The following STAG1 variants were observed in gnomAD, a reference collection of about 807,000 sequenced individuals.
STAG1 encodes the protein STAG1 cohesin complex component.
STAG1 carries 26 observed loss-of-function variants against 170.9 expected under a neutral mutation model. That is an observed-to-expected ratio of 0.15 (90% CI 0.11 to 0.21). STAG1 has a LOEUF of 0.21. STAG1 is among the 10% of genes least tolerant of loss of function. The pLI is 1.00. For missense variants in STAG1, 964 were observed against 1,509.5 expected, an observed-to-expected ratio of 0.64 and a Z score of 5.99; for synonymous variants, 514 against 497.7, an observed-to-expected ratio of 1.03 and a Z score of -0.44.
chr3:136,633,859 C>T (rs1940435944), intron 1 of STAG1, among the ~76,000 whole-genome samples: 2 of 147,752 alleles, frequency 1.4e-5, no homozygotes, highest in African/African-American at 4.9e-5. Context: ...CACAGTAGCC[C>T]ACGCTTATAA....
In STAG1 at chr3:136,452,068, T is replaced by A. The variant is rs1471328844; in HGVS notation, c.1393A>T (p.Ile465Phe). Residue 465 changes from isoleucine (I) to phenylalanine (F), a missense_variant, in exon 14 of 34, where the codon ATT becomes TTT. Physicochemically the swap from Ile to Phe is conservative, Grantham distance 21. Coordinates refer to ENST00000383202, the MANE Select transcript of STAG1 (RefSeq NM_005862.3). ...AGAAAGAAAAGAACCAGCATCCTAA[T>A]GAGGTTTCCATTCGGGCTGTTTCTT... ...RGRNSPNGNLIRMLVLFFLES... is the reference protein window; with the variant it reads ...RGRNSPNGNLFRMLVLFFLES... 1.9e-6 allele frequency: 3 copies of A among 1,611,554 alleles called. No homozygotes were observed. The highest frequency in any genetic ancestry group is 2.5e-6 in the Non-Finnish European group (3 of 1,177,912).
At chr3:136,473,460 T>C in intron 11 of STAG1, 79 bp downstream of exon 11, 1 of 1,055,774 alleles carries the variant, frequency 9.5e-7, no homozygotes, top group Non-Finnish European at 1.4e-6. Context: ...ACTTGTATGA[T>C]AATGTAATTT....
At chr3:136,433,734 TA>T in intron 15 of STAG1, 75 bp from the exon 16 acceptor site, 1 of 994,438 alleles carries the variant, frequency 1.0e-6, no homozygotes, top group Non-Finnish European at 1.5e-6. Context: ...AACACATTAT[TA>T]AAAAAACTGA....
intron 13 of STAG1, among the ~76,000 whole-genome samples, chr3:136,462,235 C>T (rs1453544933): frequency 1.3e-5 from 2 of 152,172 alleles, no homozygotes; most frequent in Admixed American, 1.3e-4. Context: ...AAAGAGATAT[C>T]TGCACTGCCA....
At chr3:136,474,308 G>C (rs935085961) in intron 10 of STAG1, among the ~76,000 whole-genome samples, 8 of 152,188 alleles carry the variant, frequency 5.3e-5, no homozygotes, top group African/African-American at 1.9e-4. Context: ...GCTATGTGCT[G>C]TAACAGCAGG....
intron 1 of STAG1, among the ~76,000 whole-genome samples, chr3:136,663,055 TAAATA>T (rs1321567305): frequency 6.6e-6 from 1 of 151,592 alleles, no homozygotes; most frequent in Non-Finnish European, 1.5e-5. Context: ...CCATCTCAAA[TAAATA>T]AAATAAAATA....
intron 29 of STAG1, 47 bp from the exon 30 acceptor site, chr3:136,344,053 C>T: frequency 4.2e-6 from 6 of 1,433,632 alleles, no homozygotes; most frequent in South Asian, 1.5e-5. Flanking sequence ...GTGGAGTGAA[C>T]TCTGGTAGCA....
intron 12 of STAG1, among the ~76,000 whole-genome samples, chr3:136,471,119 T>C (rs1430339169): frequency 1.5e-5 from 1 of 67,766 alleles, no homozygotes; most frequent in Non-Finnish European, 3.3e-5. Flanking sequence ...AGAAGTTAAA[T>C]TAAAAAAAAA....
chr3:136,665,399 C>T (rs1342345759), intron 1 of STAG1, among the ~76,000 whole-genome samples: 1 of 152,088 alleles, frequency 6.6e-6, no homozygotes, highest in East Asian at 1.9e-4. Context: ...ATATACTGTA[C>T]TACATAGCGT....
chr3:136,677,772 T>C lies in STAG1; in HGVS notation c.-83-46791A>G, dbSNP rs959117915. ...AATCAAAATAAATTTCTGTTGTTTA[T>C]AAATTACTCAGTATAAGGTATTTTG... is the stretch of plus-strand genomic sequence containing the variant. On this transcript the variant is annotated intron_variant, in intron 1 of 33. Coordinates refer to ENST00000383202, the MANE Select transcript of STAG1 (RefSeq NM_005862.3). Among the ~76,000 whole-genome samples, 6 of 151,928 alleles carry C rather than the reference T, an allele frequency of 3.9e-5. No individual in the cohort carries two copies. In the East Asian group the frequency reaches 9.6e-4, roughly 24 times the overall value.
At chr3:136,614,830 C>G (rs145997230) in intron 3 of STAG1, among the ~76,000 whole-genome samples, 9 of 151,612 alleles carry the variant, frequency 5.9e-5, no homozygotes, top group Non-Finnish European at 1.2e-4. Context: ...TGTGCCTTAT[C>G]TGGCATAATG....
chr3:136,583,837 TAGAC>T (rs1448461792), intron 4 of STAG1, among the ~76,000 whole-genome samples: 3 of 152,048 alleles, frequency 2.0e-5, no homozygotes, highest in Non-Finnish European at 2.9e-5. Context: ...CAAACCTAAT[TAGAC>T]AGAAGATCAA....
intron 4 of STAG1, among the ~76,000 whole-genome samples, chr3:136,589,205 A>G (rs1181034147): frequency 6.6e-6 from 1 of 152,132 alleles, no homozygotes; most frequent in African/African-American, 2.4e-5. Context: ...TTATCTTTAA[A>G]AAGCCAATCA....
intron 21 of STAG1, among the ~76,000 whole-genome samples, chr3:136,404,054 A>G (rs1194196731): frequency 2.0e-5 from 3 of 152,218 alleles, no homozygotes; most frequent in Non-Finnish European, 2.9e-5. Flanking sequence ...AGCCATTTTG[A>G]TATTTTGTCC....
chr3:136,738,698 G>A (rs1001295206), intron 1 of STAG1, among the ~76,000 whole-genome samples: 1 of 152,102 alleles, frequency 6.6e-6, no homozygotes, highest in Non-Finnish European at 1.5e-5. Context: ...TTAGACAGGA[G>A]GAATAAGTTC....
At chr3:136,410,203 C>T (rs1487482138) in intron 21 of STAG1, among the ~76,000 whole-genome samples, 1 of 151,998 alleles carries the variant, frequency 6.6e-6, no homozygotes, top group Non-Finnish European at 1.5e-5. Context: ...AGTTCAAGAC[C>T]AGCCTGGCCA....
intron 5 of STAG1, among the ~76,000 whole-genome samples, chr3:136,564,982 G>GAAGGAAGA (rs1936999990): frequency 1.3e-5 from 1 of 79,270 alleles, no homozygotes; most frequent in South Asian, 4.9e-4. Flanking sequence ...AGGAAGGAAG[G>GAAGGAAGA]AAGGAAGGAA....
chr3:136,464,000 A>T (rs371718276), intron 13 of STAG1, among the ~76,000 whole-genome samples: 4 of 151,108 alleles, frequency 2.6e-5, no homozygotes, highest in African/African-American at 9.7e-5. Context: ...AAACATGTAC[A>T]TCCTAAATGT....
intron 1 of STAG1, among the ~76,000 whole-genome samples, chr3:136,749,893 G>A (rs1027939449): frequency 2.0e-5 from 3 of 150,466 alleles, no homozygotes; most frequent in Non-Finnish European, 4.4e-5. Context: ...TGTTAAGTGT[G>A]AAATTTGTTA....
Sources: allele counts gnomAD v4.1 joint callset (sites outside exome capture counted in the v4.1 genomes callset), GRCh38; gene constraint gnomAD v4.1.1; transcripts MANE v1.5; gene names NCBI Gene and HGNC (gene_info 2026-07-23, HGNC 2026-07-21).